The following TNRC6C variants were observed in gnomAD, a reference collection of about 807,000 sequenced individuals.
TNRC6C encodes trinucleotide repeat-containing gene 6C protein.
Under a neutral mutation model 153.7 loss-of-function variants are expected in TNRC6C, and 20 were observed. The observed-to-expected ratio is 0.13, with a 90% confidence interval of 0.09 to 0.19. TNRC6C has a LOEUF of 0.19. TNRC6C is among the 10% of genes least tolerant of loss of function. TNRC6C has a pLI of 1.00. For missense variants in TNRC6C, 1,987 were observed against 2,172.0 expected (o/e 0.91, Z 1.69); for synonymous variants, 811 against 841.4 (o/e 0.96, Z 0.63).
exon 20 of TNRC6C, chr17:78,107,090 A>G (rs1413848117): frequency 2.0e-5 from 3 of 152,300 alleles, no homozygotes; most frequent in African/African-American, 7.2e-5. Flanking sequence ...CTGCGTATGT[A>G]TATCCAATAT....
At position 78,086,941 on chromosome 17, in the gene TNRC6C, C is replaced by T. The variant is rs190558790; in HGVS notation, c.3650C>T (p.Pro1217Leu). Residue 1217 changes from proline to leucine, a missense_variant, in exon 13 of 20, where the codon CCG becomes CTG. Around this residue, in one of 4 missense-constraint regions of TNRC6C, gnomAD observed 765 missense variants for 908.6 expected, o/e 0.84. Transcript: ENST00000301624. The stretch of plus-strand genomic sequence containing the variant: ...GCCCTGCTCGTGAAGCAGCCACCAC[C>T]GCCACCGCCCCCGCCGCACCTGTCT... The T allele has an allele frequency of 2.0e-4, 322 of 1,611,088 alleles. No individual in the cohort carries two copies. In the East Asian group the frequency reaches 5.8e-3, roughly 29 times the overall value.
intron 1 of TNRC6C, among the ~76,000 whole-genome samples, chr17:77,968,764 A>G (rs564706413): frequency 6.6e-6 from 1 of 152,244 alleles, no homozygotes; most frequent in Non-Finnish European, 1.5e-5. Flanking sequence ...GTGATTTTCC[A>G]ACTAAATCTT....
intron 7 of TNRC6C, among the ~76,000 whole-genome samples, chr17:78,074,097 C>T (rs2073044508): frequency 6.6e-6 from 1 of 152,224 alleles, no homozygotes; most frequent in African/African-American, 2.4e-5. Context: ...CATATTTCCT[C>T]TGTAAGGCGC....
chr17:78,044,896 G>A (rs2072375184), intron 2 of TNRC6C, among the ~76,000 whole-genome samples: 1 of 152,136 alleles, frequency 6.6e-6, no homozygotes, highest in Non-Finnish European at 1.5e-5. Context: ...GAACAAAAAC[G>A]TCCCAAATTA....
At chr17:78,091,241 G>A (rs540269767) in intron 13 of TNRC6C, 199 bp from the exon 16 acceptor site, 3 of 437,910 alleles carry the variant, frequency 6.9e-6, no homozygotes, top group African/African-American at 2.0e-5. Flanking sequence ...CAGGAGAATC[G>A]CTTGAACCTG....
At chr17:78,093,682 G>A (rs749492805) in exon 16 of TNRC6C, 23 of 1,613,832 alleles carry the variant, frequency 1.4e-5, no homozygotes, top group Admixed American at 1.0e-4. Flanking sequence ...TGACCCTGAC[G>A]TCACTCCTGG....
intron 1 of TNRC6C, among the ~76,000 whole-genome samples, chr17:78,021,934 C>T (rs2071840625): frequency 6.6e-6 from 1 of 151,982 alleles, no homozygotes; most frequent in South Asian, 2.1e-4. Context: ...GATATATTAC[C>T]AGGATTTTTC....
intron 1 of TNRC6C, among the ~76,000 whole-genome samples, chr17:77,960,363 C>G (rs773977364): frequency 3.3e-5 from 5 of 152,156 alleles, no homozygotes; most frequent in Non-Finnish European, 4.4e-5. Flanking sequence ...GTCTGGTGTT[C>G]ACGTTGACGT....
chr17:78,029,836 CAT>C (rs370759256), intron 1 of TNRC6C, among the ~76,000 whole-genome samples: 3 of 145,822 alleles, frequency 2.1e-5, no homozygotes, highest in African/African-American at 5.2e-5. Flanking sequence ...CACACACACA[CAT>C]AAGCCAAGGC....
At chr17:78,062,547 C>T (rs1033056112) in intron 3 of TNRC6C, among the ~76,000 whole-genome samples, 1 of 152,186 alleles carries the variant, frequency 6.6e-6, no homozygotes, top group Non-Finnish European at 1.5e-5. Flanking sequence ...ATTTATATTT[C>T]TGTCTGAGCA....
chr17:78,081,485 G>A (rs1445669156), intron 10 of TNRC6C, among the ~76,000 whole-genome samples: 1 of 152,120 alleles, frequency 6.6e-6, no homozygotes, highest in African/African-American at 2.4e-5. Context: ...TTAGATAATA[G>A]TTAAATGTAT....
At chr17:78,041,794 C>T (rs1360218658) in intron 2 of TNRC6C, among the ~76,000 whole-genome samples, 3 of 152,170 alleles carry the variant, frequency 2.0e-5, no homozygotes, top group Admixed American at 6.5e-5. Context: ...CCTTAGTAAA[C>T]GTATACTATC....
intron 2 of TNRC6C, among the ~76,000 whole-genome samples, chr17:78,036,796 C>T (rs954892515): frequency 4.0e-5 from 6 of 151,664 alleles, no homozygotes; most frequent in South Asian, 4.2e-4. Flanking sequence ...TGATGGTAGG[C>T]GCCTGTAACC....
At chr17:77,992,614 C>T (rs1230117176) in intron 1 of TNRC6C, among the ~76,000 whole-genome samples, 4 of 152,162 alleles carry the variant, frequency 2.6e-5, no homozygotes, top group East Asian at 1.9e-4. Flanking sequence ...TGAGTTTTCC[C>T]GTCATGCTTT....
At chr17:78,107,204 A>T (rs1189806442) in exon 20 of TNRC6C, 1 of 152,170 alleles carries the variant, frequency 6.6e-6, no homozygotes, top group Non-Finnish European at 1.5e-5. Flanking sequence ...AAAATTGGGG[A>T]TGGAAGTCAA....
At chr17:78,082,806 G>A (rs1238011480) in intron 10 of TNRC6C, among the ~76,000 whole-genome samples, 1 of 152,216 alleles carries the variant, frequency 6.6e-6, no homozygotes, top group Non-Finnish European at 1.5e-5. Flanking sequence ...GCAGGGGGAA[G>A]CACATCACGC....
At chr17:78,103,493 A>G (rs757626850) in exon 19 of TNRC6C, 2 of 1,614,018 alleles carry the variant, frequency 1.2e-6, no homozygotes, top group East Asian at 2.2e-5. Context: ...ACTCAAGGCA[A>G]TGCTGTGGTC....
chr17:78,053,853 G>A (rs554961667), intron 3 of TNRC6C, among the ~76,000 whole-genome samples: 99 of 152,160 alleles, frequency 6.5e-4, no homozygotes, highest in African/African-American at 2.1e-3. Flanking sequence ...GCAACATAAC[G>A]AGACCCCATT....
chr17:78,087,293 T>G (rs1371295493), intron 13 of TNRC6C, among the ~76,000 whole-genome samples, 200 bp downstream of exon 15: 2 of 152,056 alleles, frequency 1.3e-5, no homozygotes, highest in Non-Finnish European at 2.9e-5. Flanking sequence ...TTTTAATTAT[T>G]TTTTTGAGAG....
Sources: gnomAD v4.1 joint callset for allele counts (sites outside exome capture counted in the v4.1 genomes callset) on GRCh38, gnomAD v4.1.1 for gene constraint, gnomAD v4.1.1 regional missense constraint, MANE v1.5 for transcripts, NCBI Gene and HGNC (gene_info 2026-07-23, HGNC 2026-07-21) for gene names.